Variants in XKR9 observed in about 807,000 individuals in gnomAD.
XKR9 encodes the protein XK-related protein 9.
Under a neutral mutation model 32.0 loss-of-function variants are expected in XKR9, and 32 were observed. That is an observed-to-expected ratio of 1.00 (90% CI 0.76 to 1.34). XKR9 has a LOEUF of 1.34. Ranked by LOEUF, XKR9 falls within the 40% of genes most tolerant of loss-of-function variation. The probability of loss-of-function intolerance (pLI) is 0.00; values close to 1 mark genes in which losing one functional copy is unlikely to be tolerated. For synonymous variants in XKR9, 168 were observed against 143.4 expected, an observed-to-expected ratio of 1.17 and a Z score of -1.22; for missense variants, 546 against 429.7, an observed-to-expected ratio of 1.27 and a Z score of -2.39.
the XKR9 span, among the ~76,000 whole-genome samples, chr8:70,824,031 T>G: frequency 6.6e-6 from 1 of 152,162 alleles, no homozygotes; most frequent in East Asian, 1.9e-4. Context: ...AAGCAATTTG[T>G]AGTCTTTTGA....
At chr8:70,709,531 A>G (rs1301334258) in intron 4 of XKR9, among the ~76,000 whole-genome samples, 3 of 152,162 alleles carry the variant, frequency 2.0e-5, no homozygotes, top group Admixed American at 6.6e-5. Flanking sequence ...TGCAAACAAT[A>G]TGATTCTATA....
intron 4 of XKR9, among the ~76,000 whole-genome samples, chr8:70,717,350 T>G (rs1180085673): frequency 6.6e-6 from 1 of 152,182 alleles, no homozygotes; most frequent in African/African-American, 2.4e-5. Context: ...CAATTAGGGA[T>G]CCACCCCTGC....
the XKR9 span, among the ~76,000 whole-genome samples, chr8:70,828,614 T>C: frequency 1.3e-5 from 2 of 150,856 alleles, no homozygotes; most frequent in Non-Finnish European, 2.9e-5. Flanking sequence ...ATTCAGCTAC[T>C]AGAGAGGCTG....
chr8:70,730,850 G>A (rs1563455325), intron 4 of XKR9, among the ~76,000 whole-genome samples: 1 of 152,222 alleles, frequency 6.6e-6, no homozygotes, highest in Non-Finnish European at 1.5e-5. Context: ...CCAATTTCAA[G>A]CTTGCAGAGG....
intron 2 of XKR9, among the ~76,000 whole-genome samples, chr8:70,747,448 C>T (rs1050456474): frequency 3.3e-5 from 5 of 152,126 alleles, no homozygotes; most frequent in African/African-American, 1.2e-4. Flanking sequence ...GGGAGTGGTA[C>T]TGGTGGCTTT....
the XKR9 span, among the ~76,000 whole-genome samples, chr8:71,019,656 C>T: frequency 6.6e-6 from 1 of 152,142 alleles, no homozygotes; most frequent in Non-Finnish European, 1.5e-5. Context: ...GATTAAGCCA[C>T]ACTTTGAGAT....
chr8:70,968,259 C>T, the XKR9 span, among the ~76,000 whole-genome samples: 1 of 152,070 alleles, frequency 6.6e-6, no homozygotes, highest in East Asian at 1.9e-4. Flanking sequence ...CATTGTGAAC[C>T]TCTCGTGTTG....
At chr8:70,708,048 T>C (rs1010415073) in intron 4 of XKR9, among the ~76,000 whole-genome samples, 4 of 152,070 alleles carry the variant, frequency 2.6e-5, no homozygotes, top group African/African-American at 9.7e-5. Flanking sequence ...ACAGTGTCTC[T>C]GTTCCCATTT....
At chr8:70,673,476 G>A (rs1039238211) in intron 1 of XKR9, among the ~76,000 whole-genome samples, 1 of 152,208 alleles carries the variant, frequency 6.6e-6, no homozygotes, top group African/African-American at 2.4e-5. Flanking sequence ...GGTAATTGTG[G>A]TATATCCAGG....
the XKR9 span, among the ~76,000 whole-genome samples, chr8:70,892,261 C>T: frequency 1.1e-4 from 16 of 151,988 alleles, no homozygotes; most frequent in Non-Finnish European, 1.8e-4. Flanking sequence ...AAGATTATTA[C>T]TGATAGGCAA....
intron 2 of XKR9, among the ~76,000 whole-genome samples, chr8:70,769,302 A>G (rs868356951): frequency 2.0e-5 from 3 of 151,740 alleles, no homozygotes; most frequent in Admixed American, 6.6e-5. Context: ...CTGCAGAGAA[A>G]TCCGCTGTTA....
intron 2 of XKR9, among the ~76,000 whole-genome samples, chr8:70,776,947 C>CTCTCTCTCTCTCTCTCTCTATATATA: frequency 3.1e-4 from 17 of 54,198 alleles, no homozygotes; most frequent in East Asian, 1.2e-3. Context: ...CTCTCTCTCT[C>CTCTCTCTCTCTCTCTCTCTATATATA]TATATATATA....
Position 70,735,784 on chromosome 8 carries a change from G to A in XKR9, c.*1360G>A, listed in dbSNP as rs1806847210. 6.6e-6 allele frequency: 1 copy of A among 151,866 alleles called. No individual in the cohort carries two copies. Among genetic ancestry groups the A allele is most frequent in the African/African-American group, 2.4e-5 (1 of 41,310 alleles). 9.4% of individuals were successfully genotyped at this position (151,866 alleles called of 1,614,324 possible). On this transcript the variant is annotated 3_prime_UTR_variant, in exon 5 of 5. Coordinates refer to ENST00000408926, the MANE Select transcript of XKR9 (RefSeq NM_001011720.2). ...CAGCTTCATCCATGTCCCTACAAAGGACATGAACTCATCATTTTTTATGGC... is the reference window on the plus strand; with the variant it reads ...CAGCTTCATCCATGTCCCTACAAAGAACATGAACTCATCATTTTTTATGGC...
chr8:71,030,492 A>T, the XKR9 span, among the ~76,000 whole-genome samples: 131 of 152,206 alleles, frequency 8.6e-4, no homozygotes, highest in Non-Finnish European at 1.6e-3. Flanking sequence ...TCATCACAGG[A>T]CTCTAATGAT....
At chr8:70,902,190 A>C in the XKR9 span, among the ~76,000 whole-genome samples, 1 of 152,186 alleles carries the variant, frequency 6.6e-6, no homozygotes, top group Admixed American at 6.5e-5. Context: ...TTCTGTGAAG[A>C]AAGTCATTGG....
At chr8:70,989,179 T>A in the XKR9 span, among the ~76,000 whole-genome samples, 2 of 152,206 alleles carry the variant, frequency 1.3e-5, no homozygotes, top group South Asian at 4.1e-4. Context: ...AGGATTGAGA[T>A]CTGTTATGGA....
At chr8:70,997,582 G>A in the XKR9 span, among the ~76,000 whole-genome samples, 1 of 152,036 alleles carries the variant, frequency 6.6e-6, no homozygotes, top group African/African-American at 2.4e-5. Flanking sequence ...AAAGGCATAA[G>A]GATTATACAA....
chr8:70,820,381 C>T, the XKR9 span, among the ~76,000 whole-genome samples: 2 of 152,166 alleles, frequency 1.3e-5, no homozygotes, highest in Non-Finnish European at 2.9e-5. Flanking sequence ...GTCCTGCAAA[C>T]TGTACAAGAA....
At chr8:70,912,835 G>T in the XKR9 span, among the ~76,000 whole-genome samples, 2 of 152,132 alleles carry the variant, frequency 1.3e-5, no homozygotes, top group Non-Finnish European at 2.9e-5. Flanking sequence ...GGAATTTCAA[G>T]AATTATTTAG....
Sources: allele counts gnomAD v4.1 joint callset (sites outside exome capture counted in the v4.1 genomes callset), GRCh38; gene constraint gnomAD v4.1.1; transcripts MANE v1.5; gene names NCBI Gene and HGNC (gene_info 2026-07-23, HGNC 2026-07-21).